Variants in INTS3 observed in about 807,000 individuals in gnomAD.
INTS3 encodes the protein integrator complex subunit 3, also known as SOSS complex subunit A.
Under a neutral mutation model 146.3 loss-of-function variants are expected in INTS3, and 34 were observed. That is an observed-to-expected ratio of 0.23 (90% CI 0.18 to 0.31). The LOEUF (loss-of-function observed/expected upper bound fraction) is 0.31, where lower values mean the gene tolerates loss of function less well. Ranked by LOEUF, INTS3 falls within the 10% of genes least tolerant of loss-of-function variation. The pLI is 1.00. For synonymous variants in INTS3, 475 were observed against 494.9 expected (o/e 0.96, Z 0.53); for missense variants, 757 against 1,304.2 (o/e 0.58, Z 6.46).
At chr1:153,739,188 C>T (rs1389064274) in intron 1 of INTS3, among the ~76,000 whole-genome samples, 9 of 152,110 alleles carry the variant, frequency 5.9e-5, no homozygotes, top group African/African-American at 1.9e-4. Flanking sequence ...CTCAGGCTCT[C>T]GAGTAGCTGG....
In INTS3 at chr1:153,752,369, A is replaced by G. The variant is rs762496123; in HGVS notation, c.820A>G (p.Ile274Val). ...AGAATTTGAACTGCTTTGGAAAGAT[A>G]TTATCCATAATCCTCAGGCCTTGAG... ...IPEFELLWKD[I>V]IHNPQALSPQ... Residue 274 changes from isoleucine to valine, a missense_variant, in exon 8 of 30, where the codon ATT becomes GTT. Coordinates refer to ENST00000318967, the MANE Select transcript of INTS3 (RefSeq NM_023015.5). 8 of 1,613,550 alleles carry G rather than the reference A, an allele frequency of 5.0e-6. No homozygotes were observed. The highest frequency in any genetic ancestry group is 6.8e-6 in the Non-Finnish European group (8 of 1,179,822).
chr1:153,748,538 C>G (rs1440109410), intron 5 of INTS3, 151 bp from the exon 6 acceptor site: 1 of 723,394 alleles, frequency 1.4e-6, no homozygotes, highest in Non-Finnish European at 2.5e-6. Flanking sequence ...ACTTTAAAGC[C>G]TGACAGAACA....
chr1:153,769,698 T>C, intron 22 of INTS3, 71 bp from the exon 23 acceptor site: 1 of 987,726 alleles, frequency 1.0e-6, no homozygotes, highest in Non-Finnish European at 1.6e-6. Flanking sequence ...CCCTCCTGCG[T>C]CCCCCTCCAT....
chr1:153,740,602 C>T (rs1671491302), intron 1 of INTS3, 49 bp from the exon 2 acceptor site: 4 of 1,387,532 alleles, frequency 2.9e-6, no homozygotes, highest in Non-Finnish European at 2.1e-6. Flanking sequence ...AGAAGTACTT[C>T]CTAAGTGGTG....
At chr1:153,729,865 CAAA>C (rs59539957) in intron 1 of INTS3, among the ~76,000 whole-genome samples, 60 of 127,766 alleles carry the variant, frequency 4.7e-4, no homozygotes, top group African/African-American at 1.4e-3. Context: ...GACCCCGTCT[CAAA>C]AAAAAAAAAA....
chr1:153,763,177 GT>G, intron 15 of INTS3, 55 bp from the exon 16 acceptor site: 1 of 1,611,268 alleles, frequency 6.2e-7, no homozygotes. Flanking sequence ...TGAGGGGACT[GT>G]CTCTGTTGCT....
rs992023220 is a variant in INTS3, at chr1:153,774,715, T to G, written c.*1445T>G. The G allele has an allele frequency of 4.1e-5, 8 of 196,938 alleles. No individual in the cohort carries two copies. In the South Asian group the frequency reaches 7.0e-4, roughly 17 times the overall value. The allele number at this position is 196,938 out of a possible 1,614,324, so 12.2% of individuals were successfully genotyped here. Reference sequence around the variant, plus strand: ...TCCCCTCCCTCATCACTGCTGTTGCTTCCTTTGAAAGTCTAAACCACTGGA... The same window carrying G: ...TCCCCTCCCTCATCACTGCTGTTGCGTCCTTTGAAAGTCTAAACCACTGGA... On this transcript the variant is annotated 3_prime_UTR_variant, in exon 30 of 30. Coordinates refer to ENST00000318967, the MANE Select transcript of INTS3 (RefSeq NM_023015.5).
chr1:153,753,348 A>G (rs1184546273), intron 8 of INTS3, among the ~76,000 whole-genome samples: 2 of 151,920 alleles, frequency 1.3e-5, no homozygotes, highest in Admixed American at 6.6e-5. Context: ...CACGGGGTCA[A>G]GAGTTCAAGA....
At chr1:153,749,041 C>G (rs777584415) in intron 6 of INTS3, among the ~76,000 whole-genome samples, 5 of 152,082 alleles carry the variant, frequency 3.3e-5, no homozygotes, top group Non-Finnish European at 7.4e-5. Flanking sequence ...GAATGTTTAT[C>G]TTAGGGGGAA....
intron 13 of INTS3, 130 bp from the exon 14 acceptor site, chr1:153,761,440 G>T (rs1672379420): frequency 3.1e-6 from 2 of 639,764 alleles, no homozygotes; most frequent in South Asian, 3.9e-5. Context: ...AATCCGGGAG[G>T]TGGAGGTTGC....
At chr1:153,760,038 A>T in intron 11 of INTS3, 2 of 543,436 alleles carry the variant, frequency 3.7e-6, no homozygotes, top group South Asian at 4.9e-5. Context: ...AGAGCCATTC[A>T]TGTATATTGA....
At position 153,772,325 on chromosome 1, in the gene INTS3, G is replaced by C; in HGVS notation, c.2721-15G>C. ...CTCCCACACTCAGACTCTGGCTCTG[G>C]TGATTCCTGCACAGCCTGAGGAGCT... On this transcript the variant is annotated splice_polypyrimidine_tract_variant and intron_variant, in intron 26 of 29. Transcript: ENST00000318967. The surrounding 1 kb of genome is among the most constrained non-coding windows in gnomAD (Gnocchi z 4.6). The C allele has an allele frequency of 6.2e-7, 1 of 1,611,956 alleles. No individual in the cohort carries two copies.
chr1:153,728,054 T>G lies in INTS3; in HGVS notation c.-581T>G. 1 of 72,574 alleles carries G rather than the reference T, an allele frequency of 1.4e-5. No homozygotes were observed. The highest frequency in any genetic ancestry group is 2.6e-5 in the Non-Finnish European group (1 of 38,672). The allele number at this position is 72,574 out of a possible 1,614,324, so 4.5% of individuals were successfully genotyped here. ...TCTCCCCCTCCCCCGCCCTCCGCCT[T>G]CCCACCCCCCGCCCTTCCACTATGG... On this transcript the variant is annotated 5_prime_UTR_variant, in exon 1 of 30. Transcript: ENST00000318967.
chr1:153,757,701 G>A lies in INTS3; in HGVS notation c.1087G>A (p.Val363Ile). The change falls in exon 10 of 30, where the codon GTA (valine) becomes ATA (isoleucine). Residue 363 changes from valine to isoleucine, a missense_variant. Physicochemically the swap from Val to Ile is conservative, Grantham distance 29. This residue lies in a region of INTS3 where 35 missense variants were observed against 122.2 expected (regional missense o/e 0.29). Coordinates refer to ENST00000318967, the MANE Select transcript of INTS3 (RefSeq NM_023015.5). The surrounding 1 kb of genome is among the most constrained non-coding windows in gnomAD (Gnocchi z 4.0). ...TGGGGTAGTCCACCCTTCTAATGAA[G>A]TACTGAGTTCAGATATCTTGCCCCG... ...ICGVVHPSNE[V>I]LSSDILPRWA... 1 of 1,614,172 alleles carries A rather than the reference G, an allele frequency of 6.2e-7. No homozygotes were observed. The highest frequency in any genetic ancestry group is 8.5e-7 in the Non-Finnish European group (1 of 1,180,036).
At chr1:153,763,706 T>G in intron 16 of INTS3, 126 bp from the exon 17 acceptor site, 1 of 853,240 alleles carries the variant, frequency 1.2e-6, no homozygotes, top group Non-Finnish European at 1.9e-6. Flanking sequence ...CAAGCTGGGA[T>G]TTTACACAGA....
At chr1:153,761,158 G>C (rs1672367866) in intron 13 of INTS3, 5 of 1,033,138 alleles carry the variant, frequency 4.8e-6, no homozygotes, top group Non-Finnish European at 6.7e-6. Flanking sequence ...AGGGATCTGA[G>C]TATGGTCCAG....
In INTS3 at chr1:153,748,676, CT is replaced by C; in HGVS notation, c.518-9del. The C allele has an allele frequency of 6.2e-7, 1 of 1,611,610 alleles. No individual in the cohort carries two copies. Among genetic ancestry groups the C allele is most frequent in the Non-Finnish European group, 8.5e-7 (1 of 1,177,736 alleles). On this transcript the variant is annotated splice_polypyrimidine_tract_variant and intron_variant, in intron 5 of 29. Transcript: ENST00000318967. ...TAATCGGAGCTATTCTTTTTTTCCCCTTTTGAAATCAGGTGGAGATGTTACA... is the reference window on the plus strand; with the variant it reads ...TAATCGGAGCTATTCTTTTTTTCCCCTTTGAAATCAGGTGGAGATGTTACA...
chr1:153,761,105 C>A, intron 13 of INTS3, 187 bp downstream of exon 13: 2 of 1,419,274 alleles, frequency 1.4e-6, no homozygotes, highest in Non-Finnish European at 1.8e-6. Flanking sequence ...CATCGTATTA[C>A]AAAGGTCTTC....
chr1:153,735,474 T>A (rs1671250982), intron 1 of INTS3, among the ~76,000 whole-genome samples: 1 of 152,202 alleles, frequency 6.6e-6, no homozygotes. Flanking sequence ...TCAGTTTGCT[T>A]ATTAGCTAGC....
Sources: allele counts gnomAD v4.1 joint callset (sites outside exome capture counted in the v4.1 genomes callset), GRCh38; gene constraint gnomAD v4.1.1; regional missense constraint gnomAD v4.1.1; non-coding constraint Gnocchi (gnomAD v3.1); transcripts MANE v1.5; gene names NCBI Gene and HGNC (gene_info 2026-07-23, HGNC 2026-07-21).